Variants in FBXL13 observed in about 807,000 individuals in gnomAD.
The protein encoded by FBXL13 is F-box and leucine-rich repeat protein 13.
In FBXL13, 67 loss-of-function variants were observed where a neutral mutation model predicts 83.6. That is an observed-to-expected ratio of 0.80 (90% CI 0.66 to 0.98). The LOEUF is 0.98. FBXL13 is among the 50% of genes least tolerant of loss of function. The pLI is 0.00. For missense variants in FBXL13, 822 were observed against 866.5 expected (o/e 0.95, Z 0.64); for synonymous variants, 272 against 299.5 (o/e 0.91, Z 0.95).
At chr7:102,859,509 A>T (rs1253768505) in intron 16 of FBXL13, among the ~76,000 whole-genome samples, 2 of 152,126 alleles carry the variant, frequency 1.3e-5, no homozygotes, top group Non-Finnish European at 2.9e-5. Context: ...CCAAATTAGG[A>T]GGTGTTCTCT....
intron 11 of FBXL13, among the ~76,000 whole-genome samples, chr7:102,900,175 A>C (rs1812788390): frequency 6.6e-6 from 1 of 152,204 alleles, no homozygotes; most frequent in Non-Finnish European, 1.5e-5. Flanking sequence ...AATATAGTTA[A>C]ACTTCTTTCA....
intron 19 of FBXL13, among the ~76,000 whole-genome samples, chr7:102,820,290 G>A (rs1406960286): frequency 2.6e-5 from 4 of 152,210 alleles, no homozygotes; most frequent in African/African-American, 7.2e-5. Context: ...GTCTCTGCCT[G>A]CTTCTTGTGC....
intron 8 of FBXL13, chr7:102,934,519 A>G: frequency 6.2e-7 from 1 of 1,610,236 alleles, no homozygotes; most frequent in Non-Finnish European, 8.5e-7. Flanking sequence ...AAAATAAAAA[A>G]CTGCGGCAGA....
intron 2 of FBXL13, chr7:103,046,927 A>G (rs1796339774): frequency 6.6e-6 from 1 of 152,260 alleles, no homozygotes; most frequent in Non-Finnish European, 1.5e-5. Context: ...TGGCAAGCAC[A>G]GTCTTTCTCT....
At chr7:102,917,987 C>T (rs1213315768) in intron 10 of FBXL13, among the ~76,000 whole-genome samples, 1 of 152,118 alleles carries the variant, frequency 6.6e-6, no homozygotes, top group African/African-American at 2.4e-5. Context: ...AAAAAATATT[C>T]AAATAAAAAG....
chr7:102,942,446 A>C, intron 8 of FBXL13: 1 of 1,003,592 alleles, frequency 1.0e-6, no homozygotes, highest in East Asian at 2.8e-5. Flanking sequence ...AAGATACCCT[A>C]CTAGGGGGTT....
intron 7 of FBXL13, 121 bp from the exon 9 acceptor site, chr7:102,963,786 A>G: frequency 1.1e-6 from 1 of 926,874 alleles, no homozygotes; most frequent in African/African-American, 1.7e-5. Flanking sequence ...AGCAAAAGAA[A>G]CTATCAATAG....
At chr7:102,919,610 C>T (rs996169338) in intron 10 of FBXL13, among the ~76,000 whole-genome samples, 1 of 152,048 alleles carries the variant, frequency 6.6e-6, no homozygotes, top group Non-Finnish European at 1.5e-5. Context: ...AACAAAGGAA[C>T]AAAAAATCAT....
intron 6 of FBXL13, chr7:102,973,757 T>C (rs761108590): frequency 5.2e-6 from 4 of 765,356 alleles, no homozygotes; most frequent in Non-Finnish European, 9.6e-6. Context: ...CATCAGTCAC[T>C]GATCTCACCT....
At chr7:102,847,803 ATAGGTGT>A (rs1160456088) in intron 17 of FBXL13, among the ~76,000 whole-genome samples, 1 of 152,184 alleles carries the variant, frequency 6.6e-6, no homozygotes, top group Admixed American at 6.5e-5. Flanking sequence ...TGCTAAGATT[ATAGGTGT>A]GAACTACTGC....
At chr7:102,826,227 G>C (rs116882889) in intron 18 of FBXL13, among the ~76,000 whole-genome samples, 1 of 152,026 alleles carries the variant, frequency 6.6e-6, no homozygotes, top group African/African-American at 2.4e-5. Flanking sequence ...GAAAAAACCC[G>C]CCTTGAAGAT....
At chr7:102,962,236 T>A (rs1045108247) in intron 8 of FBXL13, among the ~76,000 whole-genome samples, 2 of 151,624 alleles carry the variant, frequency 1.3e-5, no homozygotes, top group Non-Finnish European at 2.9e-5. Context: ...CATGAAAAAA[T>A]GCTCATCATC....
exon 18 of FBXL13, chr7:102,832,866 A>G: frequency 6.2e-7 from 1 of 1,614,178 alleles, no homozygotes; most frequent in Non-Finnish European, 8.5e-7. Context: ...ATGCTGAGAG[A>G]TGTGAGGTTA....
intron 2 of FBXL13, among the ~76,000 whole-genome samples, chr7:103,042,879 C>T (rs964684269): frequency 5.9e-5 from 9 of 152,076 alleles, no homozygotes; most frequent in Non-Finnish European, 1.2e-4. Flanking sequence ...AGAAGAAAAC[C>T]TAAGCAATAC....
At chr7:102,847,032 T>G (rs1020174473) in intron 17 of FBXL13, among the ~76,000 whole-genome samples, 4 of 152,182 alleles carry the variant, frequency 2.6e-5, no homozygotes, top group Non-Finnish European at 5.9e-5. Context: ...TGATATGAAA[T>G]TCAAATTTTC....
chr7:102,841,705 A>C (rs920300434), intron 17 of FBXL13, among the ~76,000 whole-genome samples: 1 of 152,154 alleles, frequency 6.6e-6, no homozygotes, highest in East Asian at 1.9e-4. Context: ...AATACTGTTT[A>C]TTTCTTTTGC....
chr7:103,051,641 TA>T (rs1481063516), intron 2 of FBXL13, among the ~76,000 whole-genome samples: 2 of 152,198 alleles, frequency 1.3e-5, no homozygotes, highest in African/African-American at 2.4e-5. Context: ...GAATTAAATT[TA>T]AAGGAGTTTA....
chr7:102,907,422 A>G (rs990209615), intron 11 of FBXL13, among the ~76,000 whole-genome samples: 4 of 151,816 alleles, frequency 2.6e-5, no homozygotes, highest in African/African-American at 9.7e-5. Flanking sequence ...TGCACCCATT[A>G]ACTCATCATT....
chr7:102,835,901 G>A (rs1363745468), intron 17 of FBXL13, among the ~76,000 whole-genome samples: 5 of 152,172 alleles, frequency 3.3e-5, no homozygotes, highest in African/African-American at 4.8e-5. Flanking sequence ...GAGCCACCGC[G>A]CCCGGCCCCG....
Sources: allele counts gnomAD v4.1 joint callset (sites outside exome capture counted in the v4.1 genomes callset), GRCh38; gene constraint gnomAD v4.1.1; transcripts MANE v1.5; gene names NCBI Gene and HGNC (gene_info 2026-07-23, HGNC 2026-07-21).